Variants in ANTXR2 observed in about 807,000 individuals in gnomAD.
ANTXR2 encodes anthrax toxin receptor 2.
A neutral mutation model predicts 73.7 loss-of-function variants in ANTXR2; 44 were observed. The ratio of observed to expected loss-of-function variants is 0.60; its 90% confidence interval spans 0.47 to 0.77. The LOEUF is 0.77. Ranked by LOEUF, ANTXR2 falls within the 30% of genes least tolerant of loss-of-function variation. ANTXR2 has a pLI of 0.00. For synonymous variants in ANTXR2, 217 were observed against 205.9 expected (o/e 1.05, Z -0.46); for missense variants, 604 against 592.5 (o/e 1.02, Z -0.20).
At chr4:79,915,854 C>CTA (rs1384449714) in intron 16 of ANTXR2, among the ~76,000 whole-genome samples, 1,144 of 111,180 alleles carry the variant, frequency 0.01, 4 homozygotes, top group Non-Finnish European at 0.016. Flanking sequence ...CTCTCTCTCT[C>CTA]TCTCTCTCTA....
intron 16 of ANTXR2, among the ~76,000 whole-genome samples, chr4:79,973,081 TAAA>T (rs965994087): frequency 2.1e-5 from 3 of 143,606 alleles, no homozygotes; most frequent in South Asian, 2.2e-4. Flanking sequence ...GAAACAAAGA[TAAA>T]AGAAGAAGGA....
intron 16 of ANTXR2, among the ~76,000 whole-genome samples, chr4:79,910,061 GGCGACTTACTTAACTACTGT>G (rs1259057936): frequency 6.6e-6 from 1 of 152,052 alleles, no homozygotes; most frequent in Non-Finnish European, 1.5e-5. Flanking sequence ...TGTGACCATG[GGCGACTTACTTAACTACTGT>G]GTACCTCAGT....
chr4:79,985,481 T>A (rs1463210848), intron 12 of ANTXR2, among the ~76,000 whole-genome samples: 2 of 152,170 alleles, frequency 1.3e-5, no homozygotes, highest in African/African-American at 2.4e-5. Context: ...TGAGGAACAC[T>A]GCTGTCAGGT....
intron 16 of ANTXR2, among the ~76,000 whole-genome samples, chr4:79,928,584 A>G (rs552525665): frequency 4.6e-5 from 7 of 152,168 alleles, no homozygotes; most frequent in Non-Finnish European, 1.0e-4. Flanking sequence ...AAAAATTATC[A>G]TAATTCATAA....
chr4:80,051,921 T>C (rs1733790979), intron 7 of ANTXR2, among the ~76,000 whole-genome samples: 1 of 151,626 alleles, frequency 6.6e-6, no homozygotes, highest in Non-Finnish European at 1.5e-5. Context: ...ATCTTGGTCA[T>C]TGGATTTTAG....
chr4:80,069,372 T>C, intron 3 of ANTXR2, 64 bp downstream of exon 3: 1 of 1,315,164 alleles, frequency 7.6e-7, no homozygotes, highest in South Asian at 1.3e-5. Flanking sequence ...CACTTGGAAA[T>C]ATCAATCATG....
chr4:79,997,654 G>A (rs1225571944), intron 12 of ANTXR2, among the ~76,000 whole-genome samples: 3 of 151,752 alleles, frequency 2.0e-5, no homozygotes, highest in African/African-American at 4.8e-5. Flanking sequence ...TTTCTTCCTC[G>A]ACAAACTCAT....
Position 80,033,534 on chromosome 4 carries a change from A to C in ANTXR2, c.734T>G (p.Met245Arg), listed in dbSNP as rs965588607. 1 of 1,598,206 alleles carries C rather than the reference A, an allele frequency of 6.3e-7. No homozygotes were observed. Among genetic ancestry groups the C allele is most frequent in the Non-Finnish European group, 8.5e-7 (1 of 1,174,476 alleles). Residue 245 changes from methionine (M) to arginine (R), a missense_variant, in exon 9 of 17, where the codon ATG becomes AGG. Physicochemically the swap from Met to Arg is moderately conservative, Grantham distance 91. Coordinates refer to ENST00000403729, the MANE Select transcript of ANTXR2 (RefSeq NM_058172.6). ...AACACTGCCATTCCGACTGCCCAGC[A>C]TGAATCCTCTTCCACTTAAGACAAT... ...FQIVLSGRGF[M>R]LGSRNGSVLC...
Position 79,935,197 on chromosome 4 carries a change from T to C in ANTXR2, c.1429-27730A>G, listed in dbSNP as rs190653718. On this transcript the variant is annotated intron_variant, in intron 16 of 16. Coordinates refer to ENST00000403729, the MANE Select transcript of ANTXR2 (RefSeq NM_058172.6). ...ATGACCTCTACAAAGGTGGAGAGTT[T>C]AAAAATTACATGTCATCGCCCCCCA... Among the ~76,000 whole-genome samples, 1,222 of 151,850 alleles carry C rather than the reference T, an allele frequency of 8.0e-3. 10 individuals are homozygous for C. The highest frequency in any genetic ancestry group is 0.024 in the Middle Eastern group (7 of 294).
intron 10 of ANTXR2, among the ~76,000 whole-genome samples, 184 bp from the exon 11 acceptor site, chr4:80,019,160 C>A (rs1732033318): frequency 6.6e-6 from 1 of 152,084 alleles, no homozygotes; most frequent in Non-Finnish European, 1.5e-5. Flanking sequence ...CAGGCATGAG[C>A]CACCGTGCCC....
intron 16 of ANTXR2, among the ~76,000 whole-genome samples, chr4:79,965,719 T>C (rs1729336059): frequency 6.6e-6 from 1 of 152,204 alleles, no homozygotes; most frequent in African/African-American, 2.4e-5. Flanking sequence ...GAATTGACCT[T>C]AACAGACAAT....
intron 12 of ANTXR2, among the ~76,000 whole-genome samples, chr4:80,003,283 T>C (rs975057211): frequency 6.6e-6 from 1 of 151,322 alleles, no homozygotes; most frequent in South Asian, 2.1e-4. Context: ...AAATTGGAAA[T>C]CAGCATTCTC....
At chr4:79,915,113 C>T (rs1055195758) in intron 16 of ANTXR2, among the ~76,000 whole-genome samples, 1 of 152,064 alleles carries the variant, frequency 6.6e-6, no homozygotes, top group Admixed American at 6.6e-5. Context: ...CTAGCAAAAC[C>T]TTCTCATGAG....
intron 10 of ANTXR2, among the ~76,000 whole-genome samples, chr4:80,030,108 G>C (rs967073954): frequency 7.0e-4 from 107 of 152,104 alleles, no homozygotes; most frequent in African/African-American, 2.5e-3. Flanking sequence ...CAGTAACTTG[G>C]TCTAGAATGG....
chr4:79,911,731 T>G (rs769050075), intron 16 of ANTXR2, among the ~76,000 whole-genome samples: 3 of 151,974 alleles, frequency 2.0e-5, no homozygotes, highest in African/African-American at 4.8e-5. Context: ...GTAATATATG[T>G]TATTATTATG....
At chr4:80,058,446 A>G (rs1473820277) in intron 3 of ANTXR2, among the ~76,000 whole-genome samples, 1 of 151,948 alleles carries the variant, frequency 6.6e-6, no homozygotes, top group East Asian at 1.9e-4. Context: ...CTGGCCTTGT[A>G]CTCCCTTCAG....
chr4:79,927,095 TA>T (rs35207161), intron 16 of ANTXR2, among the ~76,000 whole-genome samples: 19 of 149,744 alleles, frequency 1.3e-4, no homozygotes, highest in South Asian at 1.1e-3. Context: ...TATTCAGCCT[TA>T]AAAAAAAGGA....
intron 16 of ANTXR2, among the ~76,000 whole-genome samples, chr4:79,963,930 A>T (rs531263987): frequency 1.3e-5 from 2 of 152,322 alleles, no homozygotes; most frequent in African/African-American, 4.8e-5. Context: ...TATTTTTTAT[A>T]TGTAACTATA....
At chr4:80,051,682 G>C (rs1320783225) in intron 7 of ANTXR2, among the ~76,000 whole-genome samples, 2 of 151,668 alleles carry the variant, frequency 1.3e-5, no homozygotes, top group East Asian at 3.9e-4. Flanking sequence ...ATACATTTTA[G>C]AGAAGGCATT....
Sources: gnomAD v4.1 joint callset for allele counts (sites outside exome capture counted in the v4.1 genomes callset) on GRCh38, gnomAD v4.1.1 for gene constraint, MANE v1.5 for transcripts, NCBI Gene and HGNC (gene_info 2026-07-23, HGNC 2026-07-21) for gene names.